The following NUP54 variants were observed in gnomAD, a reference collection of about 807,000 sequenced individuals.
NUP54 encodes the protein nucleoporin p54.
NUP54 carries 27 observed loss-of-function variants against 66.4 expected under a neutral mutation model. The ratio of observed to expected loss-of-function variants is 0.41; its 90% CI spans 0.30 to 0.56. The LOEUF (loss-of-function observed/expected upper bound fraction) is 0.56, where lower values mean the gene tolerates loss of function less well. Among genes scored for constraint, NUP54 ranks in the 20% least tolerant of loss-of-function variants. The probability of loss-of-function intolerance (pLI) is 0.34; values close to 1 mark genes in which losing one functional copy is unlikely to be tolerated. For missense variants in NUP54, 486 were observed against 596.3 expected (o/e 0.82, Z 1.93); for synonymous variants, 206 against 210.7 (o/e 0.98, Z 0.19).
chr4:76,141,562 T>G (rs538214777), intron 3 of NUP54, among the ~76,000 whole-genome samples: 2 of 152,132 alleles, frequency 1.3e-5, no homozygotes, highest in African/African-American at 4.8e-5. Flanking sequence ...TTCTACAAGT[T>G]AAATCTCTCT....
intron 9 of NUP54, among the ~76,000 whole-genome samples, chr4:76,123,901 CCTT>C (rs1195153046): frequency 2.0e-5 from 3 of 152,112 alleles, no homozygotes; most frequent in Admixed American, 6.5e-5. Context: ...TCTGTTTTTC[CCTT>C]CTTCCAGCTG....
rs1206939931 is a variant in NUP54, at chr4:76,117,669, T to C, written c.1390A>G (p.Lys464Glu). Residue 464 changes from lysine to glutamate, a missense_variant, in exon 11 of 12, where the codon AAG becomes GAG. By Grantham distance (56) the Lys-to-Glu change is moderately conservative. Transcript: ENST00000264883. The part of the protein sequence containing the change: ...YIDADLLREI[K>E]QHLKQQQEGL... ...CAGCCTCATGCAACACTTACCTGCT[T>C]GATTTCTCGTAACAGATCTGCATCT... The C allele has an allele frequency of 6.2e-7, 1 of 1,604,322 alleles. No individual in the cohort carries two copies. Among genetic ancestry groups the C allele is most frequent in the Non-Finnish European group, 8.5e-7 (1 of 1,171,398 alleles).
intron 11 of NUP54, among the ~76,000 whole-genome samples, chr4:76,117,335 G>A (rs762271053): frequency 5.3e-5 from 8 of 151,768 alleles, no homozygotes; most frequent in Admixed American, 2.0e-4. Context: ...TTGATTCTTG[G>A]GTTATCTCCA....
intron 9 of NUP54, among the ~76,000 whole-genome samples, chr4:76,123,143 T>G (rs1578668878): frequency 6.6e-6 from 1 of 152,370 alleles, no homozygotes; most frequent in South Asian, 2.1e-4. Flanking sequence ...ATAACGGTTA[T>G]ACAAGTCTCT....
intron 8 of NUP54, among the ~76,000 whole-genome samples, chr4:76,129,587 G>T (rs992671845): frequency 6.6e-6 from 1 of 152,244 alleles, no homozygotes; most frequent in Admixed American, 6.5e-5. Context: ...AAAGTTGGCC[G>T]GGCGCAGTGG....
intron 9 of NUP54, among the ~76,000 whole-genome samples, chr4:76,119,380 GGTT>G (rs1375088874): frequency 6.6e-6 from 1 of 151,782 alleles, no homozygotes; most frequent in African/African-American, 2.4e-5. Flanking sequence ...TCCTTTTTTT[GGTT>G]GTTGTTTTTG....
intron 11 of NUP54, among the ~76,000 whole-genome samples, chr4:76,116,824 A>C (rs529683371): frequency 6.6e-6 from 1 of 152,092 alleles, no homozygotes; most frequent in African/African-American, 2.4e-5. Context: ...TACTACCTAC[A>C]CTTTAAGGAG....
At chr4:76,124,190 T>C (rs777959369) in intron 9 of NUP54, among the ~76,000 whole-genome samples, 2 of 152,174 alleles carry the variant, frequency 1.3e-5, no homozygotes, top group Non-Finnish European at 2.9e-5. Flanking sequence ...TGGTATGTAA[T>C]ATTTCTGTTT....
chr4:76,131,379 G>A (rs1217442347), intron 6 of NUP54, 95 bp from the exon 7 acceptor site: 5 of 622,928 alleles, frequency 8.0e-6, no homozygotes, highest in Non-Finnish European at 1.4e-5. Flanking sequence ...CCTATACCTA[G>A]AAGCTATAAT....
intron 1 of NUP54, chr4:76,145,564 A>ACAAGAATG (rs1442092304): frequency 7.8e-7 from 1 of 1,275,616 alleles, no homozygotes; most frequent in Non-Finnish European, 1.0e-6. Context: ...CCTCCAAACA[A>ACAAGAATG]CAAGAATGTG....
At chr4:76,125,114 A>AC (rs1047454688) in intron 8 of NUP54, among the ~76,000 whole-genome samples, 1 of 150,932 alleles carries the variant, frequency 6.6e-6, no homozygotes, top group African/African-American at 2.4e-5. Flanking sequence ...ACATAGTGAA[A>AC]CCCCGTCTCT....
At chr4:76,116,092 C>G (rs1282217311) in intron 11 of NUP54, among the ~76,000 whole-genome samples, 1 of 152,120 alleles carries the variant, frequency 6.6e-6, no homozygotes, top group Non-Finnish European at 1.5e-5. Context: ...GATGGTGAAC[C>G]ATGATTCAAT....
intron 8 of NUP54, among the ~76,000 whole-genome samples, chr4:76,125,845 GGA>G (rs1475949150): frequency 1.5e-5 from 1 of 66,776 alleles, no homozygotes; most frequent in Non-Finnish European, 2.8e-5. Context: ...AGGGAGAGAG[GGA>G]GAGAGGGGGA....
Position 76,136,273 on chromosome 4 carries a change from C to T in NUP54, c.435G>A (p.Gln145=), listed in dbSNP as rs1157354904. 2 of 1,614,088 alleles carry T rather than the reference C, an allele frequency of 1.2e-6. No homozygotes were observed. Among genetic ancestry groups the T allele is most frequent in the Non-Finnish European group, 1.7e-6 (2 of 1,179,990 alleles). The change falls in exon 4 of 12, where the codon CAG becomes CAA. Residue 145 remains glutamine (Q), a synonymous_variant. Transcript: ENST00000264883. ...ACCCTTTTCCTGTTCCCCAAAAGGC[C>T]TGCAGTTGATTCCATTTTGCCAAAA... ...DAILAKWNQL[Q]AFWGTGKGYF...
In NUP54 at chr4:76,118,576, G is replaced by T. The variant is rs772626736; in HGVS notation, c.1165-382C>A. On this transcript the variant is annotated intron_variant, in intron 9 of 11. Coordinates refer to ENST00000264883, the MANE Select transcript of NUP54 (RefSeq NM_017426.4). ...TTTTAATTTTTTTGTGGCGGGGTGGGGGGGGGGGTCTCACTATGTGGCCCA... is the reference window on the plus strand; with the variant it reads ...TTTTAATTTTTTTGTGGCGGGGTGGTGGGGGGGGTCTCACTATGTGGCCCA... 32 of 114,406 alleles carry T rather than the reference G, an allele frequency of 2.8e-4. 3 individuals carry two copies. Among genetic ancestry groups the T allele is most frequent in the Admixed American group, 6.9e-4 (8 of 11,586 alleles). The allele number at this position is 114,406 out of a possible 1,614,324, so 7.1% of individuals were successfully genotyped here.
chr4:76,115,852 A>AG (rs1363946129), intron 11 of NUP54, among the ~76,000 whole-genome samples: 1 of 152,194 alleles, frequency 6.6e-6, no homozygotes, highest in East Asian at 1.9e-4. Flanking sequence ...CTGAAAACTG[A>AG]GAATATTCAT....
intron 8 of NUP54, among the ~76,000 whole-genome samples, chr4:76,129,386 AAC>A (rs1203787568): frequency 6.6e-6 from 1 of 152,130 alleles, no homozygotes; most frequent in African/African-American, 2.4e-5. Context: ...AAAGGAGAAA[AAC>A]ACAAATCCGT....
At position 76,136,285 on chromosome 4, in the gene NUP54, C is replaced by G. The variant is rs200614065; in HGVS notation, c.423G>C (p.Trp141Cys). 180 of 1,613,974 alleles carry G rather than the reference C, an allele frequency of 1.1e-4. No individual in the cohort carries two copies. Among genetic ancestry groups the G allele is most frequent in the Non-Finnish European group, 1.4e-4 (160 of 1,180,014 alleles). ...TTCCCCAAAAGGCCTGCAGTTGATTCCATTTTGCCAAAATAGCATCTCTCT... is the reference window on the plus strand; with the variant it reads ...TTCCCCAAAAGGCCTGCAGTTGATTGCATTTTGCCAAAATAGCATCTCTCT... ...GDERDAILAKWNQLQAFWGTG... is the reference protein window; with the variant it reads ...GDERDAILAKCNQLQAFWGTG... Residue 141 changes from tryptophan (W) to cysteine (C), a missense_variant, in exon 4 of 12, where the codon TGG (tryptophan) becomes TGC (cysteine). By Grantham distance (215) the Trp-to-Cys change is radical (BLOSUM62 -2). Transcript: ENST00000264883.
chr4:76,122,898 T>G (rs1014375882), intron 9 of NUP54, among the ~76,000 whole-genome samples: 8 of 152,222 alleles, frequency 5.3e-5, no homozygotes, highest in Non-Finnish European at 2.9e-5. Flanking sequence ...TGAAGTACTA[T>G]TACATGGTAC....
Sources: gnomAD v4.1 joint callset for allele counts (sites outside exome capture counted in the v4.1 genomes callset) on GRCh38, gnomAD v4.1.1 for gene constraint, MANE v1.5 for transcripts, NCBI Gene and HGNC (gene_info 2026-07-23, HGNC 2026-07-21) for gene names.